The following MAP3K7CL variants were observed in gnomAD, a reference collection of about 807,000 sequenced individuals.
The protein encoded by MAP3K7CL is MAP3K7 C-terminal like, also known as MAP3K7 C-terminal-like protein.
MAP3K7CL carries 16 observed loss-of-function variants against 18.6 expected under a neutral mutation model. The ratio of observed to expected loss-of-function variants is 0.86; its 90% CI spans 0.58 to 1.31. The LOEUF (loss-of-function observed/expected upper bound fraction) is 1.31, where lower values mean the gene tolerates loss of function less well. Ranked by LOEUF, MAP3K7CL falls within the 50% of genes most tolerant of loss-of-function variation. The pLI, the probability that MAP3K7CL is intolerant of heterozygous loss-of-function variation, is 0.00. For missense variants in MAP3K7CL, 163 were observed against 174.4 expected, an observed-to-expected ratio of 0.93 and a Z score of 0.37; for synonymous variants, 65 against 66.8, an observed-to-expected ratio of 0.97 and a Z score of 0.13.
chr21:29,149,534 C>T (rs949202851), intron 3 of MAP3K7CL, among the ~76,000 whole-genome samples: 3 of 152,154 alleles, frequency 2.0e-5, no homozygotes, highest in African/African-American at 7.2e-5. Context: ...CGGGTCCCTT[C>T]TCTACTTCGA....
intron 2 of MAP3K7CL, among the ~76,000 whole-genome samples, chr21:29,137,559 T>C (rs1488675768): frequency 6.6e-6 from 1 of 152,120 alleles, no homozygotes; most frequent in African/African-American, 2.4e-5. Flanking sequence ...CTACATATCT[T>C]GTAACCAGTT....
chr21:29,128,239 A>C (rs557457994), upstream of MAP3K7CL: 1 of 152,334 alleles, frequency 6.6e-6, no homozygotes, highest in South Asian at 2.1e-4. Flanking sequence ...CACTGAAGAA[A>C]GTGATACTTT....
chr21:29,085,393 A>C (rs540160791), upstream of MAP3K7CL, among the ~76,000 whole-genome samples: 22 of 152,216 alleles, frequency 1.4e-4, no homozygotes, highest in Admixed American at 6.5e-5. Context: ...AAACAAAATA[A>C]AGATCCCTGC....
intron 3 of MAP3K7CL, among the ~76,000 whole-genome samples, chr21:29,155,850 A>T (rs555522107): frequency 6.6e-6 from 1 of 152,292 alleles, no homozygotes; most frequent in East Asian, 1.9e-4. Context: ...CATGTGTTTC[A>T]AAGTTGGCTT....
chr21:29,162,320 T>G (rs1199192737), intron 4 of MAP3K7CL, among the ~76,000 whole-genome samples: 1 of 151,818 alleles, frequency 6.6e-6, no homozygotes, highest in Non-Finnish European at 1.5e-5. Context: ...GCTTTTTTTT[T>G]TTTGGAAATG....
In MAP3K7CL at chr21:29,110,589, A is replaced by C. The variant is rs189405938; in HGVS notation, c.370+18008A>C. 2.6e-5 allele frequency among the ~76,000 whole-genome samples: 4 copies of C among 151,988 alleles called. No homozygotes were observed. In the East Asian group the frequency reaches 7.7e-4, roughly 29 times the overall value. ...TTCTTATATTTTTAGTACAGATGGA[A>C]TTTCACCATGTTGGCCAGGCTGGTC... On this transcript the variant is annotated intron_variant, in intron 4 of 6. Coordinates refer to the MAP3K7CL transcript ENST00000286791.
At chr21:29,104,420 T>C (rs2086285179) in intron 4 of MAP3K7CL, among the ~76,000 whole-genome samples, 1 of 152,242 alleles carries the variant, frequency 6.6e-6, no homozygotes, top group African/African-American at 2.4e-5. Flanking sequence ...GTGGCCTGTG[T>C]TGGTGATGCC....
upstream of MAP3K7CL, among the ~76,000 whole-genome samples, chr21:29,082,418 G>A (rs2085851086): frequency 6.6e-6 from 1 of 152,074 alleles, no homozygotes; most frequent in Non-Finnish European, 1.5e-5. Flanking sequence ...AAGCTTTACT[G>A]TATTAGGCAG....
At position 29,092,509 on chromosome 21, in the gene MAP3K7CL, A is replaced by G. The variant is rs776413595; in HGVS notation, c.298A>G (p.Thr100Ala). ...CAATCCAAAGGTCAGCAAGTTGGCT[A>G]CTGGCGATTGGATGCTCACTCTGAA... The change falls in exon 4 of 7, where the codon ACT becomes GCT. Residue 100 changes from threonine to alanine, a missense_variant. Physicochemically the swap from Thr to Ala is moderately conservative, Grantham distance 58. Transcript: ENST00000286791. The G allele has an allele frequency of 3.1e-6, 5 of 1,614,220 alleles. No individual in the cohort carries two copies. Among genetic ancestry groups the G allele is most frequent in the Non-Finnish European group, 4.2e-6 (5 of 1,180,030 alleles).
chr21:29,102,905 A>G (rs7282843), intron 4 of MAP3K7CL, among the ~76,000 whole-genome samples: 77,690 of 151,870 alleles, frequency 0.51, 20,073 homozygotes, highest in South Asian at 0.59. Flanking sequence ...AGCCATGTAA[A>G]TGAGTCATCT....
chr21:29,161,275 A>C (rs1172196446), intron 4 of MAP3K7CL, among the ~76,000 whole-genome samples: 1 of 152,168 alleles, frequency 6.6e-6, no homozygotes, highest in Admixed American at 6.5e-5. Context: ...ACGTGCCACT[A>C]TACTTCAGCC....
chr21:29,161,699 T>TAC (rs1180755745), intron 4 of MAP3K7CL, among the ~76,000 whole-genome samples: 1 of 151,506 alleles, frequency 6.6e-6, no homozygotes, highest in Non-Finnish European at 1.5e-5. Context: ...ATAATAAAAA[T>TAC]ACACACACAC....
intron 1 of MAP3K7CL, among the ~76,000 whole-genome samples, chr21:29,088,872 G>A (rs890226480): frequency 5.3e-5 from 8 of 152,052 alleles, no homozygotes; most frequent in Non-Finnish European, 7.4e-5. Flanking sequence ...TTGCACTAAA[G>A]AGTGCTAACA....
chr21:29,119,299 GT>G (rs974451601), intron 4 of MAP3K7CL, among the ~76,000 whole-genome samples: 1 of 152,168 alleles, frequency 6.6e-6, no homozygotes, highest in African/African-American at 2.4e-5. Flanking sequence ...CTAAATTTTT[GT>G]TTGTTTGTTT....
In MAP3K7CL at chr21:29,091,759, C is replaced by T. The variant is rs1224981238; in HGVS notation, c.225C>T (p.Tyr75=). 4 of 702,492 alleles carry T rather than the reference C, an allele frequency of 5.7e-6. No homozygotes were observed. In the Admixed American group the frequency reaches 8.0e-5, roughly 14 times the overall value. The allele number at this position is 702,492 out of a possible 1,614,324, so 43.5% of individuals were successfully genotyped here. The change falls in exon 3 of 7, where the codon TAC becomes TAT. Residue 75 remains tyrosine, a splice_region_variant and synonymous_variant. Coordinates refer to the MAP3K7CL transcript ENST00000286791. The stretch of plus-strand genomic sequence containing the variant: ...TTGGCTTCTTGAAGTGCTTGGATTA[C>T]AGGTATGAACTACTGCACCTGGCCT...
intron 4 of MAP3K7CL, among the ~76,000 whole-genome samples, chr21:29,116,744 A>G (rs985833781): frequency 4.6e-5 from 7 of 152,198 alleles, no homozygotes; most frequent in African/African-American, 1.7e-4. Context: ...TACTAAAAGC[A>G]TGCTAATTAG....
chr21:29,103,671 G>A (rs1406767200), intron 4 of MAP3K7CL, among the ~76,000 whole-genome samples: 4 of 151,982 alleles, frequency 2.6e-5, no homozygotes. Context: ...GGAGGTGGAG[G>A]TTGCAGTGAG....
intron 3 of MAP3K7CL, among the ~76,000 whole-genome samples, chr21:29,153,952 T>C (rs1205577242): frequency 6.6e-6 from 1 of 152,224 alleles, no homozygotes; most frequent in African/African-American, 2.4e-5. Context: ...TTCATTGGAA[T>C]GAGAAATATG....
chr21:29,119,980 T>TGATTGATAGTTTTAA (rs2086565482), intron 4 of MAP3K7CL, among the ~76,000 whole-genome samples: 1 of 152,178 alleles, frequency 6.6e-6, no homozygotes, highest in Non-Finnish European at 1.5e-5. Context: ...TCTTAAAACT[T>TGATTGATAGTTTTAA]GATTGATAGT....
Sources: gnomAD v4.1 joint callset for allele counts (sites outside exome capture counted in the v4.1 genomes callset) on GRCh38, gnomAD v4.1.1 for gene constraint, MANE v1.5 for transcripts, NCBI Gene and HGNC (gene_info 2026-07-23, HGNC 2026-07-21) for gene names.